The following TANC1 variants were observed in gnomAD, a reference collection of about 807,000 sequenced individuals.
TANC1 encodes the protein protein TANC1.
In TANC1, 77 loss-of-function variants were observed where a neutral mutation model predicts 149.7. The observed-to-expected ratio is 0.51, with a 90% CI of 0.43 to 0.62. The LOEUF (loss-of-function observed/expected upper bound fraction) is 0.62. Among genes scored for constraint, TANC1 ranks in the 20% least tolerant of loss-of-function variants. The pLI, the probability that TANC1 is intolerant of heterozygous loss-of-function variation, is 0.00. For missense variants in TANC1, 1,985 were observed against 2,321.8 expected (o/e 0.85, Z 2.98); for synonymous variants, 854 against 925.0 (o/e 0.92, Z 1.39).
At chr2:159,007,878 G>A (rs560152271) in intron 2 of TANC1, among the ~76,000 whole-genome samples, 3 of 152,278 alleles carry the variant, frequency 2.0e-5, no homozygotes, top group African/African-American at 7.2e-5. Context: ...GGAGGTGGCC[G>A]AAAACTGTGA....
At chr2:159,111,322 T>C (rs1462600215) in intron 4 of TANC1, among the ~76,000 whole-genome samples, 3 of 152,188 alleles carry the variant, frequency 2.0e-5, no homozygotes, top group African/African-American at 7.2e-5. Flanking sequence ...CGGTTGAAAC[T>C]GAGCACATAG....
rs558817417 is a variant in TANC1, at chr2:159,037,714, C to A, written c.-15-28182C>A. Among the ~76,000 whole-genome samples the A allele has an allele frequency of 2.0e-4, 31 of 152,172 alleles. No homozygotes were observed. The East Asian group carries it at 5.4e-3, about 27-fold the overall frequency. On this transcript the variant is annotated intron_variant, in intron 2 of 26. Coordinates refer to ENST00000263635, the MANE Select transcript of TANC1 (RefSeq NM_033394.3). Reference sequence around the variant, plus strand: ...CCTCTGTTCTGTTCCATTGGTCTATCTCTCTGTTTTGGTACCAGTACCATG... The same window carrying A: ...CCTCTGTTCTGTTCCATTGGTCTATATCTCTGTTTTGGTACCAGTACCATG...
intron 2 of TANC1, among the ~76,000 whole-genome samples, chr2:159,053,074 C>G (rs994527900): frequency 6.6e-5 from 10 of 152,170 alleles, no homozygotes; most frequent in Non-Finnish European, 1.3e-4. Context: ...GATATGGCAC[C>G]CTTGTGTCTT....
Position 159,132,348 on chromosome 2 carries a change from C to T in TANC1, c.260-3846C>T, listed in dbSNP as rs115767947. On this transcript the variant is annotated intron_variant, in intron 4 of 26. Transcript: ENST00000263635. ...TACTGTGATTTAGTGTGCCTGGGAA[C>T]CAGGTGGGCCTGGTCTTTGTGCGTG... 3.8e-3 allele frequency among the ~76,000 whole-genome samples: 578 copies of T among 152,244 alleles called. 3 individuals are homozygous for T. The highest frequency in any genetic ancestry group is 0.012 in the African/African-American group (511 of 41,538).
chr2:158,977,587 A>G (rs1045139570), intron 1 of TANC1, among the ~76,000 whole-genome samples: 3 of 151,274 alleles, frequency 2.0e-5, no homozygotes, highest in Admixed American at 2.0e-4. Flanking sequence ...CTGGGATTAC[A>G]GGCATGAGCC....
Position 159,175,153 on chromosome 2 carries a change from A to C in TANC1, c.1704A>C (p.Gly568=). The C allele has an allele frequency of 1.2e-6, 2 of 1,614,058 alleles. No individual in the cohort carries two copies. Among genetic ancestry groups the C allele is most frequent in the Non-Finnish European group, 1.7e-6 (2 of 1,180,002 alleles). Residue 568 remains glycine (G), a synonymous_variant, in exon 12 of 27, where the codon GGA becomes GGC. Transcript: ENST00000263635. ...ACCCGGTGGCAGCTTTCAAGAGGGG[A>C]GTGCTGGAGCCACTCACAAACCTGA... ...VQDPVAAFKR[G]VLEPLTNLRN...
intron 7 of TANC1, among the ~76,000 whole-genome samples, chr2:159,153,667 AGTG>A (rs1223881098): frequency 6.8e-6 from 1 of 146,200 alleles, no homozygotes; most frequent in African/African-American, 2.6e-5. Context: ...AAGAGGCAGG[AGTG>A]GTGGGGACAG....
At chr2:159,192,254 A>G (rs2057501659) in intron 16 of TANC1, among the ~76,000 whole-genome samples, 1 of 152,122 alleles carries the variant, frequency 6.6e-6, no homozygotes, top group African/African-American at 2.4e-5. Flanking sequence ...CATCCCTATA[A>G]AGTATTTGTA....
chr2:159,105,439 C>A (rs1379668425), intron 4 of TANC1, among the ~76,000 whole-genome samples: 1 of 152,160 alleles, frequency 6.6e-6, no homozygotes, highest in Non-Finnish European at 1.5e-5. Flanking sequence ...ATTACACTCA[C>A]GTTGTTGTAC....
chr2:159,176,907 ATT>A (rs10647127), intron 13 of TANC1, among the ~76,000 whole-genome samples: 3 of 101,986 alleles, frequency 2.9e-5, no homozygotes, highest in African/African-American at 1.2e-4. Context: ...AAGGTGAAAG[ATT>A]TTTTTTTTTT....
At position 159,077,746 on chromosome 2, in the gene TANC1, T is replaced by G. The variant is rs74610415; in HGVS notation, c.61+11775T>G. On this transcript the variant is annotated intron_variant, in intron 3 of 26. Transcript: ENST00000263635. ...TGATGGACACTTAAGTTATATATATTTTTTTTATTACAAGTCAGTTCTAGA... is the reference window on the plus strand; with the variant it reads ...TGATGGACACTTAAGTTATATATATGTTTTTTATTACAAGTCAGTTCTAGA... Among the ~76,000 whole-genome samples the G allele has an allele frequency of 9.0e-3, 1,370 of 152,092 alleles. 14 individuals carry two copies. Among genetic ancestry groups the G allele is most frequent in the Non-Finnish European group, 9.5e-3 (648 of 67,996 alleles).
intron 2 of TANC1, among the ~76,000 whole-genome samples, chr2:159,047,290 T>C (rs1216421630): frequency 6.6e-6 from 1 of 151,682 alleles, no homozygotes; most frequent in Non-Finnish European, 1.5e-5. Context: ...CTTTCTACCC[T>C]GTCACTCAAG....
At chr2:159,058,015 A>G (rs1233575034) in intron 2 of TANC1, among the ~76,000 whole-genome samples, 1 of 152,200 alleles carries the variant, frequency 6.6e-6, no homozygotes. Flanking sequence ...TGACAGGGAA[A>G]TGAAGACAGG....
intron 7 of TANC1, among the ~76,000 whole-genome samples, chr2:159,158,936 G>C (rs529686525): frequency 1.8e-4 from 28 of 152,348 alleles, no homozygotes; most frequent in Middle Eastern, 3.4e-3. Flanking sequence ...AGCTCAAAGA[G>C]AAGGTTCTGA....
chr2:159,164,575 C>A (rs956363523), intron 8 of TANC1, among the ~76,000 whole-genome samples: 1 of 152,130 alleles, frequency 6.6e-6, no homozygotes, highest in African/African-American at 2.4e-5. Context: ...AACTCCATGC[C>A]CTGTGCTGAG....
chr2:159,187,245 C>T (rs1257258634), intron 16 of TANC1, among the ~76,000 whole-genome samples: 2 of 152,188 alleles, frequency 1.3e-5, no homozygotes, highest in African/African-American at 4.8e-5. Context: ...GTCAGGGCTG[C>T]TCTGAGCACA....
chr2:159,039,988 G>C (rs2040501383), intron 2 of TANC1, among the ~76,000 whole-genome samples: 1 of 152,170 alleles, frequency 6.6e-6, no homozygotes, highest in African/African-American at 2.4e-5. Flanking sequence ...GGGAGTCTAA[G>C]TCTCTTTGTA....
intron 1 of TANC1, among the ~76,000 whole-genome samples, chr2:158,999,069 T>C (rs2036397094): frequency 6.6e-6 from 1 of 152,158 alleles, no homozygotes; most frequent in Non-Finnish European, 1.5e-5. Flanking sequence ...ATAATGATTT[T>C]AAAACTAATC....
intron 3 of TANC1, among the ~76,000 whole-genome samples, chr2:159,087,416 G>A (rs945493457): frequency 1.5e-3 from 218 of 148,228 alleles, no homozygotes; most frequent in African/African-American, 4.9e-3. Flanking sequence ...AGATTTGGCC[G>A]TGCTTTTTTT....
Sources: gnomAD v4.1 joint callset for allele counts (sites outside exome capture counted in the v4.1 genomes callset) on GRCh38, gnomAD v4.1.1 for gene constraint, MANE v1.5 for transcripts, NCBI Gene and HGNC (gene_info 2026-07-23, HGNC 2026-07-21) for gene names.